The following RGPD4 variants were observed in gnomAD, a reference collection of about 807,000 sequenced individuals.
RGPD4 encodes the protein RANBP2 like and GRIP domain containing 4.
A neutral mutation model predicts 141.1 loss-of-function variants in RGPD4; 84 were observed. That is an observed-to-expected ratio of 0.60 (90% CI 0.50 to 0.71). RGPD4 has a LOEUF of 0.71. Among genes scored for constraint, RGPD4 ranks in the 30% least tolerant of loss-of-function variants. The probability of loss-of-function intolerance (pLI) is 0.00; values close to 1 mark genes in which losing one functional copy is unlikely to be tolerated. For synonymous variants in RGPD4, 298 were observed against 566.8 expected, an observed-to-expected ratio of 0.53 and a Z score of 6.74; for missense variants, 918 against 1,622.4, an observed-to-expected ratio of 0.57 and a Z score of 7.46.
At chr2:107,845,861 G>T (rs951728339) in intron 6 of RGPD4, among the ~76,000 whole-genome samples, 11 of 150,298 alleles carry the variant, frequency 7.3e-5, no homozygotes, top group African/African-American at 2.2e-4. Context: ...ACCGCGCCCA[G>T]CCCACACCTG....
chr2:107,857,853 G>T (rs560296483), intron 9 of RGPD4, among the ~76,000 whole-genome samples: 1 of 151,722 alleles, frequency 6.6e-6, no homozygotes, highest in African/African-American at 2.4e-5. Context: ...TTATCCGGGG[G>T]TGGTGGCATG....
At chr2:107,862,654 G>A in intron 15 of RGPD4, 28 bp from the exon 16 acceptor site, 2 of 1,107,276 alleles carry the variant, frequency 1.8e-6, no homozygotes, top group East Asian at 2.4e-5. Flanking sequence ...GCAAATGAAA[G>A]CCCTTAATTA....
chr2:107,862,847 AG>A lies in RGPD4; in HGVS notation c.2372del (p.Ser791IlefsTer22). 1 of 1,515,936 alleles carries A rather than the reference AG, an allele frequency of 6.6e-7. No homozygotes were observed. The highest frequency in any genetic ancestry group is 1.2e-5 in the South Asian group (1 of 85,428). The allele number at this position is 1,515,936 out of a possible 1,614,324, so 93.9% of individuals were successfully genotyped here. The part of the protein sequence containing the change: ...PSPTKYSLSP[S>X]KSYKYSPKTP... ...TCCTACCAAATATTCACTATCACCA[AG>A]TAAAAGTTACAAGGTAAACAGGAAA... is the stretch of plus-strand genomic sequence containing the variant. On this transcript the variant is annotated frameshift_variant, in exon 16 of 23. Transcript: ENST00000408999. LOFTEE classifies it high-confidence loss of function.
Position 107,859,823 on chromosome 2 carries a change from G to A in RGPD4, c.1736G>A (p.Trp579Ter), listed in dbSNP as rs770662882. Reference sequence around the variant, plus strand: ...CTTCAACCTGCTCTGCTTGTACATTGGGCAAAATGCCTTCAGAAAATGGTG... The same window carrying A: ...CTTCAACCTGCTCTGCTTGTACATTAGGCAAAATGCCTTCAGAAAATGGTG... ...HGLQPALLVH[W>*]AKCLQKMGSG... The change falls in exon 12 of 23, where the codon TGG (tryptophan) becomes TAG (stop). Residue 579 changes from tryptophan to a stop codon, truncating the protein, a stop_gained. Coordinates refer to ENST00000408999, the MANE Select transcript of RGPD4 (RefSeq NM_182588.3). LOFTEE classifies it high-confidence loss of function. The A allele has an allele frequency of 1.4e-5, 22 of 1,601,156 alleles. No homozygotes were observed. The Admixed American group carries it at 3.6e-4, about 26-fold the overall frequency.
At chr2:107,831,688 GCCC>G (rs1292274714) in intron 1 of RGPD4, among the ~76,000 whole-genome samples, 1 of 126,830 alleles carries the variant, frequency 7.9e-6, no homozygotes, top group South Asian at 2.7e-4. Context: ...CCATTCTCCT[GCCC>G]CAGCCTGTAG....
chr2:107,856,115 G>T (rs1447655448), intron 8 of RGPD4, among the ~76,000 whole-genome samples: 1 of 125,646 alleles, frequency 8.0e-6, no homozygotes. Context: ...GTGCAGTGGC[G>T]TGATCTCGGC....
At chr2:107,886,732 G>T (rs895078792) in intron 22 of RGPD4, among the ~76,000 whole-genome samples, 2 of 152,034 alleles carry the variant, frequency 1.3e-5, no homozygotes, top group African/African-American at 2.4e-5. Flanking sequence ...AGGGATGCTA[G>T]AAGAAAGGTC....
At position 107,889,206 on chromosome 2, in the gene RGPD4, C is replaced by T. The variant is rs541290666; in HGVS notation, c.5267-1515C>T. Reference sequence around the variant, plus strand: ...CAAGAGGAATGAAAACCAGTATTCACACAAAATCCTATGCACAAACCTTGT... The same window carrying T: ...CAAGAGGAATGAAAACCAGTATTCATACAAAATCCTATGCACAAACCTTGT... On this transcript the variant is annotated intron_variant, in intron 22 of 22. Coordinates refer to ENST00000408999, the MANE Select transcript of RGPD4 (RefSeq NM_182588.3). Among the ~76,000 whole-genome samples the T allele has an allele frequency of 1.9e-3, 245 of 130,088 alleles. 6 individuals carry two copies. The highest frequency in any genetic ancestry group is 7.9e-3 in the African/African-American group (236 of 29,772). The allele number at this position is 130,088 out of a possible 152,430, so 85.3% of individuals were successfully genotyped here.
Position 107,872,201 on chromosome 2 carries a change from G to A in RGPD4, c.4197G>A (p.Arg1399=). The A allele has an allele frequency of 6.2e-7, 1 of 1,611,472 alleles. No individual in the cohort carries two copies. The highest frequency in any genetic ancestry group is 1.1e-5 in the South Asian group (1 of 90,974). The change falls in exon 20 of 23, where the codon AGG becomes AGA. Residue 1399 remains arginine, a synonymous_variant. Coordinates refer to ENST00000408999, the MANE Select transcript of RGPD4 (RefSeq NM_182588.3). ...DNKQVRIVMR[R]DQVLKLCANH... ...AGCAAGTTCGTATAGTGATGAGAAG[G>A]GACCAAGTATTAAAACTTTGTGCCA...
chr2:107,857,690 C>T (rs1227682952), intron 9 of RGPD4, among the ~76,000 whole-genome samples: 1 of 151,822 alleles, frequency 6.6e-6, no homozygotes, highest in Non-Finnish European at 1.5e-5. Flanking sequence ...CTGCCTAAGC[C>T]CCCCAAAGTG....
At chr2:107,878,630 G>T (rs1278211372) in intron 20 of RGPD4, among the ~76,000 whole-genome samples, 5 of 134,398 alleles carry the variant, frequency 3.7e-5, no homozygotes, top group Admixed American at 3.1e-4. Context: ...GGGTTCTCTA[G>T]AGGGACAGAG....
At chr2:107,881,658 T>TTAG (rs1172877298) in intron 21 of RGPD4, among the ~76,000 whole-genome samples, 3 of 150,582 alleles carry the variant, frequency 2.0e-5, no homozygotes, top group African/African-American at 7.4e-5. Context: ...TCATGATTTC[T>TTAG]TCGTCTTCTT....
intron 7 of RGPD4, among the ~76,000 whole-genome samples, chr2:107,854,007 C>A (rs1682208111): frequency 6.8e-6 from 1 of 147,142 alleles, no homozygotes; most frequent in Admixed American, 6.8e-5. Flanking sequence ...CCTTGGCCTC[C>A]CAAAGTGCTG....
intron 8 of RGPD4, 132 bp downstream of exon 8, chr2:107,854,775 G>C: frequency 1.4e-5 from 17 of 1,173,976 alleles, no homozygotes; most frequent in Non-Finnish European, 2.0e-5. Context: ...TATCAGTTAA[G>C]AGCAATAGGT....
chr2:107,827,110 C>G (rs1241529760), intron 1 of RGPD4, 25 bp downstream of exon 1: 3 of 1,577,202 alleles, frequency 1.9e-6, no homozygotes, highest in Admixed American at 1.8e-5. Context: ...AAGAGACCGA[C>G]GGCCTCGACC....
rs868610331 is a variant in RGPD4, at chr2:107,831,284, T to C, written c.72+4199T>C. Among the ~76,000 whole-genome samples the C allele has an allele frequency of 8.0e-3, 1,203 of 149,796 alleles. 14 individuals are homozygous for C. Among genetic ancestry groups the C allele is most frequent in the African/African-American group, 0.028 (1,155 of 41,110 alleles). ...GTTCTGTCAAGTCGGTTTCTTATTC[T>C]GCAGCTGATTCCTACTTCTCAAAGT... On this transcript the variant is annotated intron_variant, in intron 1 of 22. Transcript: ENST00000408999.
chr2:107,887,063 C>A lies in RGPD4; in HGVS notation c.5267-3658C>A, dbSNP rs556897725. Among the ~76,000 whole-genome samples the A allele has an allele frequency of 2.0e-5, 3 of 147,284 alleles. No homozygotes were observed. In the Admixed American group the frequency reaches 2.1e-4, roughly 10 times the overall value. ...TTCAGAATCAGCCTGGGCAACATGG[C>A]GAGACCCTATGTCTACAAAAATTTT... On this transcript the variant is annotated intron_variant, in intron 22 of 22. Transcript: ENST00000408999.
chr2:107,871,335 A>C lies in RGPD4; in HGVS notation c.3331A>C (p.Asn1111His), dbSNP rs1455861900. 3.1e-6 allele frequency: 5 copies of C among 1,597,110 alleles called. No individual in the cohort carries two copies. Among genetic ancestry groups the C allele is most frequent in the Non-Finnish European group, 4.2e-6 (5 of 1,176,750 alleles). Reference sequence around the variant, plus strand: ...AGAACAAGTACTAAAAGTGTGTGCTAATCATTGGATAACGACTACAATGAA... The same window carrying C: ...AGAACAAGTACTAAAAGTGTGTGCTCATCATTGGATAACGACTACAATGAA... Reference protein sequence around the residue: ...RREQVLKVCANHWITTTMNLK... With the variant: ...RREQVLKVCAHHWITTTMNLK... Residue 1111 changes from asparagine to histidine, a missense_variant, in exon 20 of 23, where the codon AAT becomes CAT. By Grantham distance (68) the Asn-to-His change is moderately conservative. Coordinates refer to ENST00000408999, the MANE Select transcript of RGPD4 (RefSeq NM_182588.3).
At position 107,834,728 on chromosome 2, in the gene RGPD4, A is replaced by C. The variant is rs201060745; in HGVS notation, c.73-1874A>C. On this transcript the variant is annotated intron_variant, in intron 1 of 22. Transcript: ENST00000408999. The stretch of plus-strand genomic sequence containing the variant: ...AGGTGAGTTTTTGACTTAGGAAAGA[A>C]AAAAGATCATATACTGGGGTTGCTA... Among the ~76,000 whole-genome samples the C allele has an allele frequency of 3.4e-4, 46 of 135,308 alleles. No homozygotes were observed. The East Asian group carries it at 9.4e-3, about 28-fold the overall frequency. 88.8% of individuals were successfully genotyped at this position (135,308 alleles called of 152,430 possible).
Sources: gnomAD v4.1 joint callset for allele counts (sites outside exome capture counted in the v4.1 genomes callset) on GRCh38, gnomAD v4.1.1 for gene constraint, MANE v1.5 for transcripts, NCBI Gene and HGNC (gene_info 2026-07-23, HGNC 2026-07-21) for gene names.